CDH4: variants seen among roughly 807,000 people sequenced by gnomAD.
The protein encoded by CDH4 is cadherin 4.
A neutral mutation model predicts 86.0 loss-of-function variants in CDH4; 33 were observed. That is an observed-to-expected ratio of 0.38 (90% CI 0.29 to 0.51). CDH4 has a LOEUF of 0.51. Among genes scored for constraint, CDH4 ranks in the 20% least tolerant of loss-of-function variants. CDH4 has a pLI of 0.86. For synonymous variants in CDH4, 555 were observed against 549.4 expected (o/e 1.01, Z -0.14); for missense variants, 1,114 against 1,307.4 (o/e 0.85, Z 2.28).
intron 3 of CDH4, among the ~76,000 whole-genome samples, chr20:61,768,389 T>C (rs900131204): frequency 2.0e-5 from 3 of 152,228 alleles, no homozygotes; most frequent in Admixed American, 6.5e-5. Flanking sequence ...TGCATACATG[T>C]GTGCATAGCG....
intron 4 of CDH4, among the ~76,000 whole-genome samples, chr20:61,821,654 C>T (rs750769861): frequency 1.3e-4 from 20 of 152,246 alleles, no homozygotes; most frequent in Non-Finnish European, 2.4e-4. Context: ...ACTGCTTCCC[C>T]GGGTTTTGGG....
chr20:61,601,973 C>G (rs140669639), intron 2 of CDH4, among the ~76,000 whole-genome samples: 2 of 152,224 alleles, frequency 1.3e-5, no homozygotes, highest in African/African-American at 4.8e-5. Flanking sequence ...TCTGCCCTGA[C>G]GCATGCCCAC....
chr20:61,613,736 C>T (rs2086703773), intron 2 of CDH4, among the ~76,000 whole-genome samples: 1 of 151,874 alleles, frequency 6.6e-6, no homozygotes, highest in Non-Finnish European at 1.5e-5. Context: ...CTACTTGAGC[C>T]CTTGAATTTG....
At chr20:61,565,234 TGGTGGTGGCGGTGCTCTTGGTG>T (rs2086271840) in intron 2 of CDH4, among the ~76,000 whole-genome samples, 1 of 53,176 alleles carries the variant, frequency 1.9e-5, no homozygotes, top group Admixed American at 2.0e-4. Context: ...GTGGTGGTGG[TGGTGGTGGCGGTGCTCTTGGTG>T]ATGGTGGTGG....
chr20:61,834,990 T>A (rs1277476707), intron 4 of CDH4, among the ~76,000 whole-genome samples: 1 of 152,214 alleles, frequency 6.6e-6, no homozygotes, highest in Non-Finnish European at 1.5e-5. Flanking sequence ...TGCTGTGTCG[T>A]CACAGACCGG....
intron 2 of CDH4, chr20:61,499,609 C>G: frequency 2.0e-6 from 2 of 994,548 alleles, no homozygotes; most frequent in Non-Finnish European, 1.3e-6. Flanking sequence ...GGGCTCCAAG[C>G]CAGAATTTAG....
At chr20:61,305,907 TA>T (rs1461994780) in intron 2 of CDH4, among the ~76,000 whole-genome samples, 1 of 152,234 alleles carries the variant, frequency 6.6e-6, no homozygotes, top group African/African-American at 2.4e-5. Context: ...ATTGATCTGA[TA>T]GGGGTGATAA....
intron 2 of CDH4, among the ~76,000 whole-genome samples, chr20:61,311,831 G>A (rs2084447041): frequency 6.6e-6 from 1 of 152,286 alleles, no homozygotes; most frequent in Non-Finnish European, 1.5e-5. Flanking sequence ...AAAGTGGGTG[G>A]GAGTGTGTGG....
intron 2 of CDH4, among the ~76,000 whole-genome samples, chr20:61,256,108 T>C (rs924868440): frequency 6.6e-6 from 1 of 152,232 alleles, no homozygotes; most frequent in African/African-American, 2.4e-5. Flanking sequence ...GCACTGTGTA[T>C]GTCACTTTGG....
At chr20:61,578,090 ACTC>A (rs2086397747) in intron 2 of CDH4, among the ~76,000 whole-genome samples, 1 of 151,774 alleles carries the variant, frequency 6.6e-6, no homozygotes. Flanking sequence ...CCTCAGCTCT[ACTC>A]AAGTTAAGGT....
intron 2 of CDH4, among the ~76,000 whole-genome samples, chr20:61,653,468 GGTC>G (rs2087147601): frequency 7.4e-6 from 1 of 135,474 alleles, no homozygotes; most frequent in Non-Finnish European, 1.7e-5. Context: ...TCCCAGACGG[GGTC>G]GTGGCCGGGC....
chr20:61,420,173 G>T (rs2085169605), intron 2 of CDH4, among the ~76,000 whole-genome samples: 1 of 152,240 alleles, frequency 6.6e-6, no homozygotes, highest in South Asian at 2.1e-4. Flanking sequence ...CCTCAGGAGT[G>T]TGAGCAGCTG....
At chr20:61,444,647 G>A (rs892106616) in intron 2 of CDH4, among the ~76,000 whole-genome samples, 1 of 151,794 alleles carries the variant, frequency 6.6e-6, no homozygotes, top group Non-Finnish European at 1.5e-5. Context: ...GTTTCTGCGT[G>A]TGTGTTTTTG....
Position 61,534,665 on chromosome 20 carries a change from C to CTTTTTTTTTTTTTTTTTTTTTTTTTTTTT in CDH4, c.170-208876_170-208875insTTTTTTTTTTTTTTTTTTTTTTTTTTTTT, listed in dbSNP as rs34309371. 1.3e-4 allele frequency among the ~76,000 whole-genome samples: 10 copies of CTTTTTTTTTTTTTTTTTTTTTTTTTTTTT among 76,064 alleles called. 1 individual carries two copies. The highest frequency in any genetic ancestry group is 7.5e-4 in the African/African-American group (7 of 9,296). The allele number at this position is 76,064 out of a possible 152,430, so 49.9% of individuals were successfully genotyped here. On this transcript the variant is annotated intron_variant, in intron 2 of 15. Transcript: ENST00000614565. ...CTTTCTTTCTTTTCTTTCTTTCTTT[C>CTTTTTTTTTTTTTTTTTTTTTTTTTTTTT]TTTTTTTTTTTTTTTTTTTTTTGAG...
At chr20:61,764,593 CTGGAGCCCAG>C (rs1184672460) in intron 3 of CDH4, among the ~76,000 whole-genome samples, 1 of 152,146 alleles carries the variant, frequency 6.6e-6, no homozygotes, top group Non-Finnish European at 1.5e-5. Flanking sequence ...GAGCAGCCCA[CTGGAGCCCAG>C]GCTGTCATTT....
Position 61,548,583 on chromosome 20 carries a change from T to A in CDH4, c.170-194980T>A, listed in dbSNP as rs529628179. Among the ~76,000 whole-genome samples, 112 of 152,320 alleles carry A rather than the reference T, an allele frequency of 7.4e-4. 3 individuals are homozygous for A. In the South Asian group the frequency reaches 0.023, roughly 31 times the overall value. The stretch of plus-strand genomic sequence containing the variant: ...TTTGTTGCATTTTAGTGGCTTAAAA[T>A]GTCATTAAAAAATTAAAGCATGTTT... On this transcript the variant is annotated intron_variant, in intron 2 of 15. Coordinates refer to ENST00000614565, the MANE Select transcript of CDH4 (RefSeq NM_001794.5).
chr20:61,593,392 A>C (rs2145734529), intron 2 of CDH4, among the ~76,000 whole-genome samples: 1 of 152,182 alleles, frequency 6.6e-6, no homozygotes, highest in South Asian at 2.1e-4. Flanking sequence ...TCATAGGATA[A>C]CTCACACTGT....
chr20:61,828,127 A>G (rs890341775), intron 4 of CDH4, among the ~76,000 whole-genome samples: 1 of 152,170 alleles, frequency 6.6e-6, no homozygotes, highest in South Asian at 2.1e-4. Context: ...AAATATTTCT[A>G]TTTTGTGATC....
At chr20:61,787,881 G>C (rs1473510612) in intron 4 of CDH4, among the ~76,000 whole-genome samples, 1 of 152,188 alleles carries the variant, frequency 6.6e-6, no homozygotes, top group African/African-American at 2.4e-5. Flanking sequence ...GGATGTCAGA[G>C]GGGCTGAATA....
Sources: gnomAD v4.1 joint callset for allele counts (sites outside exome capture counted in the v4.1 genomes callset) on GRCh38, gnomAD v4.1.1 for gene constraint, MANE v1.5 for transcripts, NCBI Gene and HGNC (gene_info 2026-07-23, HGNC 2026-07-21) for gene names.